SMIM41: variants seen among roughly 807,000 people sequenced by gnomAD.
SMIM41 encodes small integral membrane protein 41.
intron 1 of SMIM41, among the ~76,000 whole-genome samples, chr12:52,082,686 T>C (rs1341012020): frequency 1.3e-5 from 2 of 151,696 alleles, no homozygotes; most frequent in African/African-American, 2.4e-5. Flanking sequence ...GCACCGTCCA[T>C]AGGGGAAGGG....
chr12:52,094,218 C>T (rs1315567430), intron 2 of SMIM41, among the ~76,000 whole-genome samples: 1 of 138,304 alleles, frequency 7.2e-6, no homozygotes, highest in Non-Finnish European at 1.5e-5. Flanking sequence ...TTTTTTGAGA[C>T]GGCATCTTTC....
intron 2 of SMIM41, among the ~76,000 whole-genome samples, chr12:52,096,103 T>C (rs1341731661): frequency 1.3e-5 from 2 of 151,506 alleles, no homozygotes; most frequent in Non-Finnish European, 2.9e-5. Flanking sequence ...TATCGTCCTC[T>C]CCCTTCCTGG....
intron 2 of SMIM41, among the ~76,000 whole-genome samples, chr12:52,085,333 C>A (rs1192886048): frequency 6.6e-6 from 1 of 152,166 alleles, no homozygotes; most frequent in African/African-American, 2.4e-5. Flanking sequence ...GATTTGAATT[C>A]TGGCACCGTA....
At chr12:52,099,367 G>A (rs1403398054) in intron 2 of SMIM41, among the ~76,000 whole-genome samples, 2 of 151,962 alleles carry the variant, frequency 1.3e-5, no homozygotes, top group Non-Finnish European at 2.9e-5. Context: ...GATATTGGGA[G>A]TAATATCATC....
At chr12:52,094,903 A>G (rs1325958975) in intron 2 of SMIM41, 1 of 151,892 alleles carries the variant, frequency 6.6e-6, no homozygotes, top group African/African-American at 2.4e-5. Flanking sequence ...TCCAGATTCA[A>G]GGAGAGGGAA....
chr12:52,084,354 A>G (rs116039621), intron 2 of SMIM41, among the ~76,000 whole-genome samples: 2,542 of 150,134 alleles, frequency 0.017, 33 homozygotes, highest in African/African-American at 0.034. Flanking sequence ...CCATCTCAAA[A>G]CAACAACAAC....
intron 1 of SMIM41, 145 bp from the exon 2 acceptor site, chr12:52,083,749 G>T (rs990865071): frequency 1.7e-4 from 26 of 152,340 alleles, no homozygotes; most frequent in Admixed American, 1.5e-3. Flanking sequence ...CTAAACCTCA[G>T]TCTCTTAGTT....
intron 2 of SMIM41, among the ~76,000 whole-genome samples, chr12:52,106,353 G>GT (rs1317020810): frequency 6.6e-6 from 1 of 152,020 alleles, no homozygotes; most frequent in African/African-American, 2.4e-5. Flanking sequence ...TTTGTTTTTT[G>GT]TTTTTTGAGA....
At chr12:52,083,767 T>C (rs1939851601) in intron 1 of SMIM41, 127 bp from the exon 2 acceptor site, 1 of 152,236 alleles carries the variant, frequency 6.6e-6, no homozygotes, top group African/African-American at 2.4e-5. Context: ...GTTTATAAAA[T>C]GTAGGTGACA....
At position 52,108,147 on chromosome 12, in the gene SMIM41, G is replaced by T; in HGVS notation, c.*964G>T. 1 of 216,974 alleles carries T rather than the reference G, an allele frequency of 4.6e-6. No individual in the cohort carries two copies. 13.4% of individuals were successfully genotyped at this position (216,974 alleles called of 1,614,324 possible). The stretch of plus-strand genomic sequence containing the variant: ...AGATGTGTCATCTTCCCCCAGAAAG[G>T]GTGCAGTGGCTGCAGTGATGTACAC... On this transcript the variant is annotated 3_prime_UTR_variant, in exon 3 of 3. Transcript: ENST00000546390.
chr12:52,082,681 G>A (rs971738203), intron 1 of SMIM41, among the ~76,000 whole-genome samples: 6 of 151,898 alleles, frequency 4.0e-5, no homozygotes, highest in Middle Eastern at 6.9e-3. Flanking sequence ...AGCCTGCACC[G>A]TCCATAGGGG....
At position 52,081,781 on chromosome 12, in the gene SMIM41, T is replaced by C. The variant is rs578050814; in HGVS notation, c.*120+1600T>C. 6.6e-6 allele frequency among the ~76,000 whole-genome samples: 1 copy of C among 152,286 alleles called. No homozygotes were observed. The highest frequency in any genetic ancestry group is 1.9e-4 in the East Asian group (1 of 5,176). On this transcript the variant is annotated intron_variant, in intron 1 of 2. Coordinates refer to ENST00000546390, the MANE Select transcript of SMIM41 (RefSeq NM_001369216.1). This position sits in a 1 kb window ranked among gnomAD's most constrained non-coding sequence, Gnocchi z 4.1. ...GTCTCCAGATCACTGGGAACCCCTT[T>C]CTTTTACACGCGGGAGAACAGTAAG...
intron 1 of SMIM41, among the ~76,000 whole-genome samples, chr12:52,080,839 G>A (rs1337117534): frequency 6.6e-6 from 1 of 152,122 alleles, no homozygotes; most frequent in Non-Finnish European, 1.5e-5. Context: ...GGAGGTGTGT[G>A]GAAGGCCCTT....
chr12:52,093,990 G>A (rs1197558692), intron 2 of SMIM41, among the ~76,000 whole-genome samples: 1 of 151,768 alleles, frequency 6.6e-6, no homozygotes, highest in Non-Finnish European at 1.5e-5. Context: ...AATTAGCCGG[G>A]TGTGGTAGTG....
chr12:52,104,869 T>C (rs1940301513), intron 2 of SMIM41, among the ~76,000 whole-genome samples: 1 of 152,170 alleles, frequency 6.6e-6, no homozygotes. Flanking sequence ...CATGAACCCT[T>C]ACTGAGGGCT....
chr12:52,099,603 C>T (rs1220800431), intron 2 of SMIM41, among the ~76,000 whole-genome samples: 2 of 151,856 alleles, frequency 1.3e-5, no homozygotes, highest in East Asian at 1.9e-4. Context: ...ACAGCTGGTG[C>T]GATATTGGTA....
rs554164156 is a variant in SMIM41 at position 52,108,034 on chromosome 12, G to A, written c.*851G>A. ...ATTCTGAGGGTTTCATCATCAGGTG[G>A]GAAGTATAAAGCCTTCTCCACCTGT... On this transcript the variant is annotated 3_prime_UTR_variant, in exon 3 of 3. Transcript: ENST00000546390. 40 of 241,300 alleles carry A rather than the reference G, an allele frequency of 1.7e-4. No homozygotes were observed. The highest frequency in any genetic ancestry group is 9.3e-4 in the African/African-American group (40 of 42,962). The allele number at this position is 241,300 out of a possible 1,614,324, so 14.9% of individuals were successfully genotyped here. A position where few individuals can be genotyped will look rare whatever the true frequency, so the allele number is the denominator to read the frequency against.
At chr12:52,096,747 C>A (rs562912622) in intron 2 of SMIM41, among the ~76,000 whole-genome samples, 1 of 151,522 alleles carries the variant, frequency 6.6e-6, no homozygotes, top group South Asian at 2.1e-4. Flanking sequence ...ATTATATTAT[C>A]AGTTATTAAT....
chr12:52,103,205 T>C (rs1387229802), intron 2 of SMIM41, among the ~76,000 whole-genome samples: 5 of 151,920 alleles, frequency 3.3e-5, no homozygotes, highest in African/African-American at 1.2e-4. Flanking sequence ...CGTGTGCCTA[T>C]AGTCCCAGCT....
Sources: allele counts gnomAD v4.1 joint callset (sites outside exome capture counted in the v4.1 genomes callset), GRCh38; gene constraint gnomAD v4.1.1; non-coding constraint Gnocchi (gnomAD v3.1); transcripts MANE v1.5; gene names NCBI Gene and HGNC (gene_info 2026-07-23, HGNC 2026-07-21).